ADCY1: variants seen among roughly 807,000 people sequenced by gnomAD.
The protein encoded by ADCY1 is adenylate cyclase 1, also known as adenylate cyclase type 1.
A neutral mutation model predicts 105.4 loss-of-function variants in ADCY1; 28 were observed. The observed-to-expected ratio is 0.27, with a 90% confidence interval of 0.20 to 0.36. The LOEUF is 0.36. Among genes scored for constraint, ADCY1 ranks in the 10% least tolerant of loss-of-function variants. ADCY1 has a pLI of 1.00. For missense variants in ADCY1, 977 were observed against 1,434.2 expected, an observed-to-expected ratio of 0.68 and a Z score of 5.15; for synonymous variants, 655 against 623.8, an observed-to-expected ratio of 1.05 and a Z score of -0.75.
chr7:45,641,648 C>T (rs370227558), intron 4 of ADCY1, among the ~76,000 whole-genome samples: 12 of 152,128 alleles, frequency 7.9e-5, no homozygotes, highest in South Asian at 4.2e-4. Context: ...TCTTTTCGGC[C>T]GGGCGCGGTG....
chr7:45,711,858 T>A (rs1236159444), intron 19 of ADCY1, among the ~76,000 whole-genome samples: 1 of 101,858 alleles, frequency 9.8e-6, no homozygotes, highest in Non-Finnish European at 2.0e-5. Flanking sequence ...TAATATTAAT[T>A]TTATTAATAT....
At chr7:45,596,896 G>A (rs973034948) in intron 2 of ADCY1, among the ~76,000 whole-genome samples, 1 of 152,194 alleles carries the variant, frequency 6.6e-6, no homozygotes. Context: ...AGGTAAGTGC[G>A]TGGAGGCAGG....
intron 8 of ADCY1, among the ~76,000 whole-genome samples, chr7:45,668,742 T>A (rs989052679): frequency 1.3e-5 from 2 of 152,226 alleles, no homozygotes; most frequent in African/African-American, 4.8e-5. Context: ...AGAATTCGGT[T>A]GTGAATCCGT....
chr7:45,659,766 T>C (rs1373139900), intron 6 of ADCY1, among the ~76,000 whole-genome samples: 2 of 148,590 alleles, frequency 1.3e-5, no homozygotes, highest in African/African-American at 2.5e-5. Flanking sequence ...TCTTTCTCTC[T>C]CTCTCTTGGT....
intron 3 of ADCY1, among the ~76,000 whole-genome samples, chr7:45,618,285 A>G (rs1023102681): frequency 6.6e-5 from 10 of 152,246 alleles, no homozygotes; most frequent in East Asian, 1.9e-4. Flanking sequence ...GGAAGAAAAC[A>G]TAGTGGAAAT....
In ADCY1 at chr7:45,617,258, T is replaced by C. The variant is rs561993578; in HGVS notation, c.909-5374T>C. ...CTGTAACTGAGAAGCAATCATGGTG[T>C]GGTCTGTAGCCACTGGCACTGGGAA... On this transcript the variant is annotated intron_variant, in intron 3 of 19. Coordinates refer to ENST00000297323, the MANE Select transcript of ADCY1 (RefSeq NM_021116.4). Among the ~76,000 whole-genome samples the C allele has an allele frequency of 2.3e-3, 351 of 152,310 alleles. 1 individual carries two copies. The highest frequency in any genetic ancestry group is 8.0e-3 in the African/African-American group (334 of 41,572).
At position 45,686,425 on chromosome 7, in the gene ADCY1, C is replaced by A; in HGVS notation, c.2328-122C>A. On this transcript the variant is annotated intron_variant, in intron 13 of 19. Coordinates refer to ENST00000297323, the MANE Select transcript of ADCY1 (RefSeq NM_021116.4). The surrounding 1 kb of genome is among the most constrained non-coding windows in gnomAD (Gnocchi z 4.3). Reference sequence around the variant, plus strand: ...AGTGATTCTTGGCCAAGGTCAATCCCAGCAAGCTGTTTTTGGGTGTCACCA... The same window carrying A: ...AGTGATTCTTGGCCAAGGTCAATCCAAGCAAGCTGTTTTTGGGTGTCACCA... 1 of 1,465,902 alleles carries A rather than the reference C, an allele frequency of 6.8e-7. No homozygotes were observed. The highest frequency in any genetic ancestry group is 9.1e-7 in the Non-Finnish European group (1 of 1,096,428). 90.8% of individuals were successfully genotyped at this position (1,465,902 alleles called of 1,614,324 possible). A position where few individuals can be genotyped will look rare whatever the true frequency, so the allele number is the denominator to read the frequency against.
chr7:45,585,890 C>T (rs1350140354), intron 1 of ADCY1, among the ~76,000 whole-genome samples: 2 of 152,154 alleles, frequency 1.3e-5, no homozygotes, highest in Admixed American at 6.5e-5. Flanking sequence ...GGTGGACAAG[C>T]TGGAAGTGGC....
chr7:45,703,516 C>A lies in ADCY1; in HGVS notation c.2571+24C>A. On this transcript the variant is annotated intron_variant, in intron 15 of 19. Transcript: ENST00000297323. This position sits in a 1 kb window ranked among gnomAD's most constrained non-coding sequence, Gnocchi z 5.9. ...TGGTGAGCACCCAGCCTGCTCCTGG[C>A]CAGCACTAGCCCTACACTGCTCTGG... 1.9e-6 allele frequency: 3 copies of A among 1,613,870 alleles called. No individual in the cohort carries two copies. Among genetic ancestry groups the A allele is most frequent in the Non-Finnish European group, 2.5e-6 (3 of 1,179,872 alleles).
At chr7:45,599,557 G>T (rs1303029095) in intron 2 of ADCY1, among the ~76,000 whole-genome samples, 1 of 151,522 alleles carries the variant, frequency 6.6e-6, no homozygotes, top group African/African-American at 2.4e-5. Context: ...TGTCGCCTTG[G>T]TCTGTGGGAG....
chr7:45,666,138 CT>C (rs958516080), intron 8 of ADCY1, among the ~76,000 whole-genome samples: 2 of 151,942 alleles, frequency 1.3e-5, no homozygotes, highest in South Asian at 2.1e-4. Context: ...TTTTCTCTCT[CT>C]TTTTTTTAAA....
chr7:45,651,575 G>C (rs1011230553), intron 5 of ADCY1, among the ~76,000 whole-genome samples: 5 of 152,150 alleles, frequency 3.3e-5, no homozygotes, highest in Non-Finnish European at 7.4e-5. Flanking sequence ...TCCATGCTGG[G>C]CCTCGCAGCT....
chr7:45,717,553 C>T lies in ADCY1; in HGVS notation c.*3558C>T, dbSNP rs1785381992. 6.6e-6 allele frequency: 1 copy of T among 152,288 alleles called. No individual in the cohort carries two copies. The highest frequency in any genetic ancestry group is 1.5e-5 in the Non-Finnish European group (1 of 68,026). The allele number at this position is 152,288 out of a possible 1,614,324, so 9.4% of individuals were successfully genotyped here. A position where few individuals can be genotyped will look rare whatever the true frequency, so the allele number is the denominator to read the frequency against. Reference sequence around the variant, plus strand: ...ATAGTGCACCAGTGACAGGTGCTGCCTGTTTACTCGTACCAAAAATGAAGA... The same window carrying T: ...ATAGTGCACCAGTGACAGGTGCTGCTTGTTTACTCGTACCAAAAATGAAGA... On this transcript the variant is annotated 3_prime_UTR_variant, in exon 20 of 20. Coordinates refer to ENST00000297323, the MANE Select transcript of ADCY1 (RefSeq NM_021116.4).
upstream of ADCY1, chr7:45,574,250 G>A: frequency 3.2e-6 from 2 of 619,648 alleles, no homozygotes; most frequent in Non-Finnish European, 4.0e-6. This position sits in a 1 kb window ranked among gnomAD's most constrained non-coding sequence, Gnocchi z 7.0. Flanking sequence ...TTGGGGCGCG[G>A]GCTGTGCGCG....
Position 45,574,906 on chromosome 7 carries a change from G to A in ADCY1, c.363G>A (p.Gln121=). Reference sequence around the variant, plus strand: ...CCCTGCAGGTGCCCCAGCTGCAGCAGGTCGGCCAGCTGGCGCTGCTCTTCA... The same window carrying A: ...CCCTGCAGGTGCCCCAGCTGCAGCAAGTCGGCCAGCTGGCGCTGCTCTTCA... ...VRSLQVPQLQ[Q]VGQLALLFSL... is the part of the protein sequence containing the mutation. Residue 121 remains glutamine, a synonymous_variant, in exon 1 of 20, where the codon CAG becomes CAA. Coordinates refer to ENST00000297323, the MANE Select transcript of ADCY1 (RefSeq NM_021116.4). This position sits in a 1 kb window ranked among gnomAD's most constrained non-coding sequence, Gnocchi z 7.0. The A allele has an allele frequency of 1.9e-6, 3 of 1,611,944 alleles. No individual in the cohort carries two copies. Among genetic ancestry groups the A allele is most frequent in the Middle Eastern group, 1.7e-4 (1 of 5,996 alleles).
At chr7:45,638,402 A>G (rs1160644018) in intron 4 of ADCY1, among the ~76,000 whole-genome samples, 1 of 151,756 alleles carries the variant, frequency 6.6e-6, no homozygotes, top group Non-Finnish European at 1.5e-5. Flanking sequence ...TTTCATCTTC[A>G]GAAGTTCAAT....
At position 45,710,381 on chromosome 7, in the gene ADCY1, C is replaced by G. The variant is rs1785202792; in HGVS notation, c.2933-147C>G. 3.4e-6 allele frequency: 4 copies of G among 1,170,976 alleles called. No homozygotes were observed. Among genetic ancestry groups the G allele is most frequent in the Admixed American group, 2.5e-5 (1 of 39,614 alleles). 72.5% of individuals were successfully genotyped at this position (1,170,976 alleles called of 1,614,324 possible). A position where few individuals can be genotyped will look rare whatever the true frequency, so the allele number is the denominator to read the frequency against. ...CTGTGTGTGATGCTTCAGGAAGGAG[C>G]CTGGTGCTAGGTGACCCCAGGAAAC... On this transcript the variant is annotated intron_variant, in intron 18 of 19. Transcript: ENST00000297323. This position sits in a 1 kb window ranked among gnomAD's most constrained non-coding sequence, Gnocchi z 4.7.
intron 14 of ADCY1, among the ~76,000 whole-genome samples, chr7:45,694,137 A>C (rs1013778830): frequency 5.3e-5 from 7 of 133,318 alleles, no homozygotes; most frequent in Admixed American, 8.0e-5. Context: ...AAAAAAAAAA[A>C]CACTGTCAAC....
chr7:45,584,492 CG>C (rs1792661201), intron 1 of ADCY1, among the ~76,000 whole-genome samples: 2 of 152,234 alleles, frequency 1.3e-5, no homozygotes, highest in African/African-American at 4.8e-5. Context: ...CAGAGCCCCC[CG>C]CTGCCCCCTG....
Sources: allele counts gnomAD v4.1 joint callset (sites outside exome capture counted in the v4.1 genomes callset), GRCh38; gene constraint gnomAD v4.1.1; non-coding constraint Gnocchi (gnomAD v3.1); transcripts MANE v1.5; gene names NCBI Gene and HGNC (gene_info 2026-07-23, HGNC 2026-07-21).